Variants in PRKCE observed in about 807,000 individuals in gnomAD.
PRKCE encodes protein kinase C epsilon, also known as protein kinase C epsilon type.
In PRKCE, 16 loss-of-function variants were observed where a neutral mutation model predicts 85.4. The observed-to-expected ratio is 0.19, with a 90% CI of 0.13 to 0.28. The LOEUF is 0.28. Among genes scored for constraint, PRKCE ranks in the 10% least tolerant of loss-of-function variants. The probability of loss-of-function intolerance (pLI) is 1.00; values close to 1 mark genes in which losing one functional copy is unlikely to be tolerated. For missense variants in PRKCE, 573 were observed against 975.2 expected, an observed-to-expected ratio of 0.59 and a Z score of 5.49; for synonymous variants, 388 against 371.5, an observed-to-expected ratio of 1.04 and a Z score of -0.51.
rs1696038083 is a variant in PRKCE, at chr2:45,895,144, C to CT, written c.412+52081_412+52082insT. On this transcript the variant is annotated intron_variant, in intron 2 of 14. Transcript: ENST00000306156. The surrounding 1 kb of genome is among the most constrained non-coding windows in gnomAD (Gnocchi z 4.8). ...CGTGGTAGGGAGAATGAAAAGGCGCCCAGGTGTCTCTTGAGAAAGGAAGGA... is the reference window on the plus strand; with the variant it reads ...CGTGGTAGGGAGAATGAAAAGGCGCCTCAGGTGTCTCTTGAGAAAGGAAGGA... Among the ~76,000 whole-genome samples the CT allele has an allele frequency of 6.6e-6, 1 of 152,104 alleles. No homozygotes were observed. The highest frequency in any genetic ancestry group is 1.5e-5 in the Non-Finnish European group (1 of 68,034).
At position 45,850,021 on chromosome 2, in the gene PRKCE, T is replaced by G. The variant is rs558636361; in HGVS notation, c.412+6958T>G. 2.0e-5 allele frequency among the ~76,000 whole-genome samples: 3 copies of G among 152,310 alleles called. No homozygotes were observed. The South Asian group carries it at 6.2e-4, about 32-fold the overall frequency. ...CATCGCTAAGATGCTTGATGAGACA[T>G]AAGCCAAGAAACCCTCATTTCCTTC... On this transcript the variant is annotated intron_variant, in intron 2 of 14. Transcript: ENST00000306156.
chr2:46,168,389 A>C (rs751745282), intron 14 of PRKCE, among the ~76,000 whole-genome samples: 1 of 152,222 alleles, frequency 6.6e-6, no homozygotes, highest in Admixed American at 6.5e-5. Context: ...AGGAGGAATC[A>C]GGGAATGTTT....
At chr2:45,834,183 C>A (rs775014016) in intron 1 of PRKCE, among the ~76,000 whole-genome samples, 5 of 152,120 alleles carry the variant, frequency 3.3e-5, no homozygotes, top group Non-Finnish European at 7.4e-5. Context: ...TCTGGTCCAG[C>A]CAACAAGAGT....
chr2:46,092,573 CA>C (rs1670276056), intron 11 of PRKCE, among the ~76,000 whole-genome samples: 1 of 152,158 alleles, frequency 6.6e-6, no homozygotes, highest in Non-Finnish European at 1.5e-5. Context: ...GAGCAAGGAA[CA>C]AAAATCCAGT....
intron 1 of PRKCE, among the ~76,000 whole-genome samples, chr2:45,794,856 C>CCCA (rs1687307647): frequency 1.4e-5 from 2 of 145,126 alleles, no homozygotes; most frequent in East Asian, 2.0e-4. Flanking sequence ...CCCCCCCCCC[C>CCCA]ATCCACCATT....
intron 10 of PRKCE, 59 bp from the exon 11 acceptor site, chr2:46,086,149 G>A: frequency 1.3e-6 from 2 of 1,556,084 alleles, no homozygotes; most frequent in Admixed American, 3.4e-5. Flanking sequence ...ACACTAAGCT[G>A]GCCTGTGTGG....
chr2:45,752,313 A>G (rs1412056892), intron 1 of PRKCE, among the ~76,000 whole-genome samples: 1 of 152,208 alleles, frequency 6.6e-6, no homozygotes, highest in African/African-American at 2.4e-5. Context: ...ATTCAAAGCC[A>G]TAAGACTTTT....
At chr2:45,783,594 T>C (rs1397361807) in intron 1 of PRKCE, among the ~76,000 whole-genome samples, 1 of 152,244 alleles carries the variant, frequency 6.6e-6, no homozygotes, top group Non-Finnish European at 1.5e-5. Context: ...AGTCGTTCTC[T>C]TACTGTTTAA....
intron 14 of PRKCE, among the ~76,000 whole-genome samples, chr2:46,171,160 T>C (rs1373565829): frequency 6.6e-6 from 1 of 152,216 alleles, no homozygotes; most frequent in Non-Finnish European, 1.5e-5. Context: ...GCCAGCTCAC[T>C]GCAGGGCCTG....
chr2:45,841,697 C>T (rs571029740), intron 1 of PRKCE, among the ~76,000 whole-genome samples: 1 of 152,352 alleles, frequency 6.6e-6, no homozygotes, highest in Admixed American at 6.5e-5. Context: ...TTAACCATCG[C>T]AGGAGCCATG....
intron 11 of PRKCE, among the ~76,000 whole-genome samples, chr2:46,122,799 T>C (rs1673433273): frequency 6.6e-6 from 1 of 151,902 alleles, no homozygotes; most frequent in African/African-American, 2.4e-5. Flanking sequence ...GCTTCAAGTT[T>C]TAACATGAAG....
intron 2 of PRKCE, chr2:45,845,459 C>T (rs1691707350): frequency 3.3e-5 from 5 of 151,418 alleles, no homozygotes; most frequent in Admixed American, 3.3e-4. Context: ...GCTGAAGTTT[C>T]ACCACTCCAT....
intron 2 of PRKCE, among the ~76,000 whole-genome samples, chr2:45,930,286 G>A (rs1193875050): frequency 2.0e-5 from 3 of 152,204 alleles, no homozygotes; most frequent in African/African-American, 7.2e-5. Flanking sequence ...ATCACAGGTT[G>A]ATAAGTGATT....
rs369040303 is a variant in PRKCE, at chr2:45,935,128, G to A, written c.413-41301G>A. ...GAAATGGAAATCATAGATAATGTTT[G>A]TCTGTAAGAGATGATGAGGGGGACC... On this transcript the variant is annotated intron_variant, in intron 2 of 14. Transcript: ENST00000306156. Among the ~76,000 whole-genome samples the A allele has an allele frequency of 2.0e-5, 3 of 152,124 alleles. No homozygotes were observed. The East Asian group carries it at 5.8e-4, about 29-fold the overall frequency.
intron 1 of PRKCE, among the ~76,000 whole-genome samples, chr2:45,665,956 A>G (rs1675890242): frequency 1.3e-5 from 2 of 152,142 alleles, no homozygotes; most frequent in African/African-American, 4.8e-5. Context: ...TGGTGTAAGT[A>G]GGTAACATAT....
intron 2 of PRKCE, among the ~76,000 whole-genome samples, chr2:45,855,499 C>T (rs1692600200): frequency 6.6e-6 from 1 of 152,196 alleles, no homozygotes. Flanking sequence ...TCTGTAACAT[C>T]AGGATTTGCT....
chr2:45,857,182 G>C (rs1333284182), intron 2 of PRKCE, among the ~76,000 whole-genome samples: 2 of 152,190 alleles, frequency 1.3e-5, no homozygotes, highest in Non-Finnish European at 2.9e-5. Context: ...TTTGTAGGCA[G>C]CTGGTTCCCT....
chr2:45,775,553 C>G (rs1303799367), intron 1 of PRKCE, among the ~76,000 whole-genome samples: 1 of 152,278 alleles, frequency 6.6e-6, no homozygotes, highest in South Asian at 2.1e-4. Flanking sequence ...GGAGCTGAAA[C>G]TATTGCAAAC....
At chr2:45,727,058 A>G (rs1013034716) in intron 1 of PRKCE, among the ~76,000 whole-genome samples, 1 of 152,156 alleles carries the variant, frequency 6.6e-6, no homozygotes, top group African/African-American at 2.4e-5. Context: ...TTGCTAAGCA[A>G]ATTTTCTAGA....
Sources: gnomAD v4.1 joint callset for allele counts (sites outside exome capture counted in the v4.1 genomes callset) on GRCh38, gnomAD v4.1.1 for gene constraint, Gnocchi (gnomAD v3.1) non-coding constraint, MANE v1.5 for transcripts, NCBI Gene and HGNC (gene_info 2026-07-23, HGNC 2026-07-21) for gene names.